Variants in CHD1L observed in about 807,000 individuals in gnomAD.
The protein encoded by CHD1L is chromodomain helicase DNA binding protein 1 like.
CHD1L carries 118 observed loss-of-function variants against 115.9 expected under a neutral mutation model. The observed-to-expected ratio is 1.02, with a 90% confidence interval of 0.88 to 1.19. The LOEUF is 1.19. Among genes scored for constraint, CHD1L ranks in the 50% most tolerant of loss-of-function variants. The probability of loss-of-function intolerance (pLI) is 0.00; values close to 1 mark genes in which losing one functional copy is unlikely to be tolerated. For synonymous variants in CHD1L, 411 were observed against 387.1 expected (o/e 1.06, Z -0.72); for missense variants, 1,179 against 1,065.3 (o/e 1.11, Z -1.49).
chr1:147,229,504 T>G, the CHD1L span, among the ~76,000 whole-genome samples: 1 of 152,198 alleles, frequency 6.6e-6, no homozygotes, highest in African/African-American at 2.4e-5. Flanking sequence ...TCTTTTTTGG[T>G]TCCATATGAA....
rs587615816 is a variant in CHD1L at position 147,274,625 on chromosome 1, AT to A, written c.1271-727del. ...GCAATGTACCTTCACGGTTCTCTTA[AT>A]TAATTCCTGTAACTCAAGGTACCTC... On this transcript the variant is annotated intron_variant, in intron 12 of 22. Transcript: ENST00000369258. 9.9e-3 allele frequency among the ~76,000 whole-genome samples: 895 copies of A among 90,382 alleles called. 4 individuals are homozygous for A. The highest frequency in any genetic ancestry group is 0.018 in the Non-Finnish European group (633 of 34,388). 59.3% of individuals were successfully genotyped at this position (90,382 alleles called of 152,430 possible).
chr1:147,250,807 G>T (rs904211429), intron 1 of CHD1L, among the ~76,000 whole-genome samples: 15 of 151,788 alleles, frequency 9.9e-5, no homozygotes, highest in African/African-American at 3.4e-4. Context: ...CTTGTGAGGG[G>T]TGGGGGTGGT....
At chr1:147,174,215 C>T in the CHD1L span, among the ~76,000 whole-genome samples, 2 of 152,188 alleles carry the variant, frequency 1.3e-5, no homozygotes, top group Non-Finnish European at 2.9e-5. Flanking sequence ...CTTGCTCACC[C>T]CTCCAAAATC....
intron 2 of CHD1L, among the ~76,000 whole-genome samples, chr1:147,253,166 C>T (rs1013671568): frequency 1.3e-5 from 2 of 151,984 alleles, no homozygotes; most frequent in Non-Finnish European, 2.9e-5. Context: ...AGAAGTATGC[C>T]CTTCTCTTCC....
the CHD1L span, among the ~76,000 whole-genome samples, chr1:147,228,506 A>G: frequency 6.6e-6 from 1 of 152,188 alleles, no homozygotes; most frequent in African/African-American, 2.4e-5. Context: ...ATGATTTATA[A>G]TCCTTTGGGT....
At position 147,242,697 on chromosome 1, in the gene CHD1L, C is replaced by A; in HGVS notation, c.-7C>A. The A allele has an allele frequency of 7.9e-7, 1 of 1,262,332 alleles. No individual in the cohort carries two copies. Among genetic ancestry groups the A allele is most frequent in the Admixed American group, 3.8e-5 (1 of 26,216 alleles). 78.2% of individuals were successfully genotyped at this position (1,262,332 alleles called of 1,614,324 possible). A position where few individuals can be genotyped will look rare whatever the true frequency, so the allele number is the denominator to read the frequency against. ...TGGCCGCGCGGGGCGGGGCCTCTAC[C>A]GGCCCGATGGAGCGCGCGGGCGCTA... On this transcript the variant is annotated 5_prime_UTR_variant, in exon 1 of 23. Transcript: ENST00000369258.
chr1:147,201,326 G>T, the CHD1L span: 2 of 1,614,038 alleles, frequency 1.2e-6, no homozygotes, highest in Admixed American at 3.3e-5. Flanking sequence ...TCCAGAAATG[G>T]AAAGTCAAAG....
At chr1:147,235,915 C>T in the CHD1L span, among the ~76,000 whole-genome samples, 1 of 152,116 alleles carries the variant, frequency 6.6e-6, no homozygotes, top group African/African-American at 2.4e-5. Context: ...AAGTTTTGCT[C>T]AAGCCTATTG....
the CHD1L span, chr1:147,204,619 A>C: frequency 6.3e-7 from 1 of 1,592,192 alleles, no homozygotes; most frequent in South Asian, 1.1e-5. Context: ...GGCAAATACC[A>C]GAACAATGTT....
chr1:147,255,363 G>C (rs971715719), intron 3 of CHD1L, among the ~76,000 whole-genome samples: 1 of 152,146 alleles, frequency 6.6e-6, no homozygotes, highest in Non-Finnish European at 1.5e-5. Context: ...AAGTAGCTGA[G>C]ATTACAGGCG....
intron 5 of CHD1L, among the ~76,000 whole-genome samples, chr1:147,257,773 T>A (rs1553941378): frequency 6.6e-6 from 1 of 152,212 alleles, no homozygotes; most frequent in Non-Finnish European, 1.5e-5. Flanking sequence ...CATCCAAGGT[T>A]ACATTGCTGA....
At chr1:147,175,783 T>TA in the CHD1L span, 1 of 152,220 alleles carries the variant, frequency 6.6e-6, no homozygotes, top group South Asian at 2.1e-4. Context: ...AGCATAGCTA[T>TA]AAATGGAATA....
the CHD1L span, chr1:147,178,255 A>T: frequency 1.2e-6 from 2 of 1,613,692 alleles, no homozygotes; most frequent in Non-Finnish European, 1.7e-6. Context: ...TGCGGGCCTC[A>T]TGCTCGTCGA....
At chr1:147,293,422 G>A (rs1686334428) in intron 20 of CHD1L, among the ~76,000 whole-genome samples, 186 bp from the exon 21 acceptor site, 1 of 152,142 alleles carries the variant, frequency 6.6e-6, no homozygotes, top group Non-Finnish European at 1.5e-5. Flanking sequence ...TGACCACAAA[G>A]TAAGAATTAT....
the CHD1L span, among the ~76,000 whole-genome samples, chr1:147,180,050 A>G: frequency 6.6e-6 from 1 of 152,046 alleles, no homozygotes; most frequent in African/African-American, 2.4e-5. Context: ...GTTGTGTGAA[A>G]TATTCTCTTT....
At position 147,252,663 on chromosome 1, in the gene CHD1L, G is replaced by T; in HGVS notation, c.168G>T (p.Trp56Cys). ...LRSYQLEGVNWLAQRFHCQNG... is the reference protein window; with the variant it reads ...LRSYQLEGVNCLAQRFHCQNG... ...CTTACCAGCTGGAGGGAGTAAACTG[G>T]CTCGCCCAGCGCTTCCATTGTCAGA... Residue 56 changes from tryptophan to cysteine, a missense_variant, in exon 2 of 23, where the codon TGG becomes TGT. By Grantham distance (215) the Trp-to-Cys change is radical (BLOSUM62 -2). Coordinates refer to ENST00000369258, the MANE Select transcript of CHD1L (RefSeq NM_004284.6). 6.2e-7 allele frequency: 1 copy of T among 1,614,064 alleles called. No individual in the cohort carries two copies.
At chr1:147,259,777 T>C in intron 5 of CHD1L, 60 bp from the exon 6 acceptor site, 2 of 1,421,940 alleles carry the variant, frequency 1.4e-6, no homozygotes, top group South Asian at 1.2e-5. Flanking sequence ...AGTAAGACTT[T>C]TGATTGTGAA....
chr1:147,236,467 A>C, the CHD1L span, among the ~76,000 whole-genome samples: 1 of 152,214 alleles, frequency 6.6e-6, no homozygotes, highest in African/African-American at 2.4e-5. Flanking sequence ...GAGGGTAAGC[A>C]AGGTGAAGAG....
At chr1:147,178,690 G>A in the CHD1L span, 11 of 1,577,816 alleles carry the variant, frequency 7.0e-6, no homozygotes, top group South Asian at 8.9e-5. Flanking sequence ...TGAGTCTCTG[G>A]TGAACGAGTA....
Sources: allele counts gnomAD v4.1 joint callset (sites outside exome capture counted in the v4.1 genomes callset), GRCh38; gene constraint gnomAD v4.1.1; transcripts MANE v1.5; gene names NCBI Gene and HGNC (gene_info 2026-07-23, HGNC 2026-07-21).